VWA2: variants seen among roughly 807,000 people sequenced by gnomAD.
The protein encoded by VWA2 is von Willebrand factor A domain containing 2.
Under a neutral mutation model 70.4 loss-of-function variants are expected in VWA2, and 73 were observed. The ratio of observed to expected loss-of-function variants is 1.04; its 90% CI spans 0.86 to 1.26. The LOEUF (loss-of-function observed/expected upper bound fraction) is 1.26, where lower values mean the gene tolerates loss of function less well. Among genes scored for constraint, VWA2 ranks in the 50% most tolerant of loss-of-function variants. The pLI is 0.00. For synonymous variants in VWA2, 407 were observed against 423.3 expected (o/e 0.96, Z 0.47); for missense variants, 1,011 against 998.5 (o/e 1.01, Z -0.17).
intron 1 of VWA2, among the ~76,000 whole-genome samples, chr10:114,240,223 C>T (rs2133269577): frequency 6.6e-6 from 1 of 152,344 alleles, no homozygotes; most frequent in East Asian, 1.9e-4. Context: ...CTCAGCCCTG[C>T]TTCCTGCATG....
At chr10:114,255,324 T>C (rs765718502) in intron 4 of VWA2, among the ~76,000 whole-genome samples, 2 of 152,110 alleles carry the variant, frequency 1.3e-5, no homozygotes, top group Non-Finnish European at 2.9e-5. Flanking sequence ...TCCTGCATTG[T>C]TCCTCAAGCT....
chr10:114,281,972 A>C (rs1454810134), intron 8 of VWA2, among the ~76,000 whole-genome samples: 2 of 150,306 alleles, frequency 1.3e-5, no homozygotes, highest in Non-Finnish European at 2.9e-5. Flanking sequence ...GGGGTTTTGC[A>C]TGTGGATGTC....
chr10:114,248,365 A>C (rs1051117618), intron 1 of VWA2, among the ~76,000 whole-genome samples: 1 of 152,200 alleles, frequency 6.6e-6, no homozygotes, highest in South Asian at 2.1e-4. Flanking sequence ...TCACGTGGCT[A>C]GTCAGGGCCC....
chr10:114,287,893 C>T (rs565157410), intron 11 of VWA2, among the ~76,000 whole-genome samples: 1 of 152,176 alleles, frequency 6.6e-6, no homozygotes, highest in East Asian at 1.9e-4. Context: ...TACCTAATGT[C>T]TTTTTTGTGT....
chr10:114,247,206 T>C (rs1255620465), intron 1 of VWA2, among the ~76,000 whole-genome samples: 1 of 151,980 alleles, frequency 6.6e-6, no homozygotes, highest in Non-Finnish European at 1.5e-5. Flanking sequence ...AAAAAAAAGA[T>C]TTCTGTACAG....
In VWA2 at chr10:114,284,810, C is replaced by T. The variant is rs546084151; in HGVS notation, c.890-53C>T. ...TGCACCCACACCTCTGGCCAGTCCT[C>T]TCCACTCCTCTGTGCTGCGGTGCTT... is the stretch of plus-strand genomic sequence containing the variant. On this transcript the variant is annotated intron_variant, in intron 9 of 13. Coordinates refer to ENST00000392982, the MANE Select transcript of VWA2 (RefSeq NM_001272046.2). The T allele has an allele frequency of 2.6e-6, 4 of 1,528,780 alleles. No homozygotes were observed. In the South Asian group the frequency reaches 3.7e-5, roughly 14 times the overall value. The allele number at this position is 1,528,780 out of a possible 1,614,324, so 94.7% of individuals were successfully genotyped here.
rs755283749 is a variant in VWA2 at position 114,290,377 on chromosome 10, T to C, written c.2248+12T>C. 2.5e-5 allele frequency: 38 copies of C among 1,550,254 alleles called. No homozygotes were observed. Among genetic ancestry groups the C allele is most frequent in the African/African-American group, 1.4e-5 (1 of 73,040 alleles). On this transcript the variant is annotated intron_variant, in intron 13 of 13. Coordinates refer to ENST00000392982, the MANE Select transcript of VWA2 (RefSeq NM_001272046.2). ...CCACTGCGAGAACCGTGAGTGGAGC[T>C]CTTGCTCTGTATGTGTGAGCCAGGG...
At position 114,293,853 on chromosome 10, in the gene VWA2, TG is replaced by T. The variant is rs2039826458; in HGVS notation, c.*2617del. ...ATACCACTTCTTTTTCTTGTCATTT[TG>T]CATTGCCTGGGACCTCCAGAATAAT... On this transcript the variant is annotated 3_prime_UTR_variant, in exon 14 of 14. Coordinates refer to ENST00000392982, the MANE Select transcript of VWA2 (RefSeq NM_001272046.2). Among the ~76,000 whole-genome samples the T allele has an allele frequency of 6.6e-6, 1 of 152,224 alleles. No homozygotes were observed. The highest frequency in any genetic ancestry group is 2.4e-5 in the African/African-American group (1 of 41,466).
intron 6 of VWA2, among the ~76,000 whole-genome samples, chr10:114,277,493 G>A (rs1480458525): frequency 6.6e-6 from 1 of 152,120 alleles, no homozygotes; most frequent in Admixed American, 6.6e-5. Flanking sequence ...CCGACTGTGT[G>A]TCTTCTTAAA....
intron 4 of VWA2, among the ~76,000 whole-genome samples, chr10:114,259,276 T>C (rs186610322): frequency 5.9e-5 from 9 of 152,304 alleles, no homozygotes; most frequent in South Asian, 2.1e-4. Flanking sequence ...AAAGAGTTAC[T>C]TGTATTTCCT....
intron 6 of VWA2, among the ~76,000 whole-genome samples, chr10:114,274,303 T>C (rs1191505372): frequency 6.6e-6 from 1 of 152,168 alleles, no homozygotes; most frequent in East Asian, 1.9e-4. Flanking sequence ...GAATGATATC[T>C]TCAGAGAATC....
At chr10:114,245,841 C>T (rs1318122728) in intron 1 of VWA2, among the ~76,000 whole-genome samples, 4 of 152,144 alleles carry the variant, frequency 2.6e-5, no homozygotes, top group Admixed American at 2.0e-4. Context: ...AGACCCTGCA[C>T]GAAGACTCTC....
Position 114,285,930 on chromosome 10 carries a change from TCC to T in VWA2, c.998-6_998-5del. ...GGCTTGACAGTGGGTGTTGCTGTGA[TCC>T]CCGCAGCCCTGAAGCTGAGCCTGGA... On this transcript the variant is annotated splice_region_variant and splice_polypyrimidine_tract_variant and intron_variant, in intron 10 of 13. Transcript: ENST00000392982. 6.3e-7 allele frequency: 1 copy of T among 1,575,268 alleles called. No homozygotes were observed. The highest frequency in any genetic ancestry group is 8.6e-7 in the Non-Finnish European group (1 of 1,156,500).
At chr10:114,273,049 C>T (rs889415544) in intron 6 of VWA2, 115 bp downstream of exon 6, 2 of 812,102 alleles carry the variant, frequency 2.5e-6, no homozygotes, top group Admixed American at 3.6e-5. Flanking sequence ...TTCCCTGGAT[C>T]TGTCTTTTCC....
chr10:114,282,719 G>C, intron 9 of VWA2, 148 bp downstream of exon 9: 1 of 675,024 alleles, frequency 1.5e-6, no homozygotes, highest in South Asian at 1.7e-5. Flanking sequence ...GCAGAGGAGA[G>C]TGTGCTCTTG....
intron 5 of VWA2, among the ~76,000 whole-genome samples, chr10:114,263,853 G>GT (rs1206789120): frequency 1.3e-5 from 2 of 152,126 alleles, no homozygotes; most frequent in African/African-American, 2.4e-5. Flanking sequence ...AAGAAACCTT[G>GT]TAAGTAGACA....
intron 4 of VWA2, among the ~76,000 whole-genome samples, chr10:114,260,590 G>A (rs1163903090): frequency 6.6e-6 from 1 of 152,182 alleles, no homozygotes; most frequent in Non-Finnish European, 1.5e-5. Flanking sequence ...AGTTGGGTCA[G>A]TAAGTGTTTC....
chr10:114,266,169 C>T (rs924535540), intron 5 of VWA2, among the ~76,000 whole-genome samples: 29 of 151,832 alleles, frequency 1.9e-4, no homozygotes, highest in Admixed American at 3.3e-4. Context: ...TGGTGGCGGG[C>T]GCCTGTAGTC....
At position 114,293,896 on chromosome 10, in the gene VWA2, T is replaced by C. The variant is rs1284945797; in HGVS notation, c.*2659T>C. ...CAGAATAATGTTTCATGAAGTAGCA[T>C]GTATCCATATCTGGTTCTTGACTTT... On this transcript the variant is annotated 3_prime_UTR_variant, in exon 14 of 14. Transcript: ENST00000392982. Among the ~76,000 whole-genome samples the C allele has an allele frequency of 6.6e-6, 1 of 152,252 alleles. No individual in the cohort carries two copies. The highest frequency in any genetic ancestry group is 1.9e-4 in the East Asian group (1 of 5,206).
Sources: gnomAD v4.1 joint callset for allele counts (sites outside exome capture counted in the v4.1 genomes callset) on GRCh38, gnomAD v4.1.1 for gene constraint, MANE v1.5 for transcripts, NCBI Gene and HGNC (gene_info 2026-07-23, HGNC 2026-07-21) for gene names.